FOXP1: variants seen among roughly 807,000 people sequenced by gnomAD.
The protein encoded by FOXP1 is forkhead box P1, also known as forkhead box protein P1.
FOXP1 carries 15 observed loss-of-function variants against 98.2 expected under a neutral mutation model. The observed-to-expected ratio is 0.15, with a 90% confidence interval of 0.10 to 0.24. FOXP1 has a LOEUF of 0.24. Ranked by LOEUF, FOXP1 falls within the 10% of genes least tolerant of loss-of-function variation. FOXP1 has a pLI of 1.00. For synonymous variants in FOXP1, 371 were observed against 314.5 expected (o/e 1.18, Z -1.90); for missense variants, 633 against 848.5 (o/e 0.75, Z 3.15).
intron 6 of FOXP1, among the ~76,000 whole-genome samples, chr3:71,116,344 G>T (rs530476316): frequency 1.3e-5 from 2 of 152,020 alleles, no homozygotes; most frequent in African/African-American, 4.8e-5. Context: ...ATACAAGCAC[G>T]GGGGGAAAAG....
chr3:71,478,335 A>G (rs564410143), intron 3 of FOXP1, among the ~76,000 whole-genome samples: 55 of 152,366 alleles, frequency 3.6e-4, no homozygotes, highest in African/African-American at 1.3e-3. Flanking sequence ...TCCCAGGATC[A>G]TGCCTGCATC....
At chr3:71,130,857 T>C in intron 6 of FOXP1, 4 of 1,427,814 alleles carry the variant, frequency 2.8e-6, no homozygotes, top group Non-Finnish European at 3.6e-6. Context: ...TAAAGAAATC[T>C]ATTAATGCCA....
intron 11 of FOXP1, among the ~76,000 whole-genome samples, chr3:71,019,861 C>T (rs534413718): frequency 6.6e-6 from 1 of 151,668 alleles, no homozygotes; most frequent in South Asian, 2.1e-4. Flanking sequence ...CAAAACAAAA[C>T]AAAACAAAAC....
chr3:71,295,914 A>T (rs1252324381), intron 5 of FOXP1, among the ~76,000 whole-genome samples: 1 of 152,226 alleles, frequency 6.6e-6, no homozygotes, highest in East Asian at 1.9e-4. Flanking sequence ...TAAACTATTT[A>T]TCATCAACGG....
chr3:70,976,588 A>C (rs559454350), intron 17 of FOXP1, among the ~76,000 whole-genome samples: 17 of 152,282 alleles, frequency 1.1e-4, no homozygotes, highest in African/African-American at 3.9e-4. Flanking sequence ...ATCTCTGCAA[A>C]TATCGGCTGT....
At chr3:71,153,545 G>GAA (rs11343142) in intron 6 of FOXP1, among the ~76,000 whole-genome samples, 2 of 106,694 alleles carry the variant, frequency 1.9e-5, no homozygotes, top group African/African-American at 3.7e-5. Flanking sequence ...CCATGCTTGA[G>GAA]AAAAAAAAAA....
chr3:71,201,358 G>A (rs932196949), intron 5 of FOXP1, among the ~76,000 whole-genome samples: 14 of 152,196 alleles, frequency 9.2e-5, no homozygotes, highest in African/African-American at 3.4e-4. Context: ...AGAACTAAAG[G>A]AAAAGAGCCG....
At chr3:71,355,780 G>A (rs1387864762) in intron 4 of FOXP1, among the ~76,000 whole-genome samples, 1 of 152,150 alleles carries the variant, frequency 6.6e-6, no homozygotes, top group African/African-American at 2.4e-5. Context: ...TGGTGTCAAT[G>A]TTAATGAATT....
At chr3:71,470,468 G>A (rs991944865) in intron 3 of FOXP1, among the ~76,000 whole-genome samples, 8 of 152,196 alleles carry the variant, frequency 5.3e-5, no homozygotes, top group Non-Finnish European at 1.0e-4. Context: ...AGGCCGGTGC[G>A]GTGGCTCACG....
intron 8 of FOXP1, among the ~76,000 whole-genome samples, 175 bp downstream of exon 8, chr3:71,053,461 G>T (rs745942747): frequency 2.0e-5 from 3 of 152,024 alleles, no homozygotes; most frequent in Non-Finnish European, 4.4e-5. Context: ...CTCTCTTTTG[G>T]GCATGCAAAA....
intron 3 of FOXP1, among the ~76,000 whole-genome samples, chr3:71,442,715 T>C (rs888430891): frequency 1.3e-5 from 2 of 152,072 alleles, no homozygotes; most frequent in African/African-American, 4.8e-5. Flanking sequence ...TCTGGATTTG[T>C]CAAAAGCCCA....
intron 3 of FOXP1, among the ~76,000 whole-genome samples, chr3:71,433,004 C>A (rs999772238): frequency 2.6e-5 from 4 of 151,776 alleles, no homozygotes; most frequent in Non-Finnish European, 5.9e-5. Context: ...TCATTTTGTA[C>A]CTGCTTGGTC....
chr3:71,409,842 T>C (rs756251234), intron 3 of FOXP1, among the ~76,000 whole-genome samples: 30 of 152,082 alleles, frequency 2.0e-4, no homozygotes, highest in Non-Finnish European at 3.5e-4. Context: ...GGCAAAACCT[T>C]GTCTCTGCTA....
chr3:71,150,872 G>T (rs895736762), intron 6 of FOXP1, among the ~76,000 whole-genome samples: 3 of 151,758 alleles, frequency 2.0e-5, no homozygotes, highest in African/African-American at 4.8e-5. Context: ...TCCTCTTTTC[G>T]TATTCCCCAG....
At chr3:70,977,146 C>T in intron 16 of FOXP1, 104 bp from the exon 17 acceptor site, 2 of 808,876 alleles carry the variant, frequency 2.5e-6, no homozygotes, top group South Asian at 1.4e-5. Flanking sequence ...AGAGCTAAAT[C>T]CTGAGAAAGG....
chr3:71,289,075 C>T (rs1190984935), intron 5 of FOXP1, among the ~76,000 whole-genome samples: 4 of 151,930 alleles, frequency 2.6e-5, no homozygotes, highest in African/African-American at 9.7e-5. Context: ...CTCTCTGTAG[C>T]CCACGCTGGA....
Position 71,357,642 on chromosome 3 carries a change from C to T in FOXP1, c.-73+1508G>A, listed in dbSNP as rs183287404. ...GGGTGGCTAATAGGATGTAAGCAGG[C>T]ATCATTGGATAAGGCTACAGGGAAA... On this transcript the variant is annotated intron_variant, in intron 4 of 20. Coordinates refer to ENST00000649528, the MANE Select transcript of FOXP1 (RefSeq NM_001349338.3). 1.2e-4 allele frequency among the ~76,000 whole-genome samples: 18 copies of T among 152,240 alleles called. No homozygotes were observed. The East Asian group carries it at 3.3e-3, about 28-fold the overall frequency.
In FOXP1 at chr3:71,237,231, G is replaced by GAAAAAAAAAAAAA. The variant is rs757405755; in HGVS notation, c.-11-38852_-11-38840dup. ...TGGGCGACAGAGCAAGACTCCATCT[G>GAAAAAAAAAAAAA]AAAAAAAAAAAAAAAAAAAAAAAAA... On this transcript the variant is annotated intron_variant, in intron 5 of 20. Transcript: ENST00000649528. Among the ~76,000 whole-genome samples the GAAAAAAAAAAAAA allele has an allele frequency of 4.6e-4, 13 of 28,286 alleles. 2 individuals are homozygous for GAAAAAAAAAAAAA. Among genetic ancestry groups the GAAAAAAAAAAAAA allele is most frequent in the Admixed American group, 1.4e-3 (2 of 1,442 alleles). 18.6% of individuals were successfully genotyped at this position (28,286 alleles called of 152,430 possible).
rs559734122 is a variant in FOXP1 at position 71,213,571 on chromosome 3, C to T, written c.-11-15179G>A. Among the ~76,000 whole-genome samples the T allele has an allele frequency of 2.9e-4, 44 of 152,260 alleles. No individual in the cohort carries two copies. In the South Asian group the frequency reaches 8.9e-3, roughly 31 times the overall value. On this transcript the variant is annotated intron_variant, in intron 5 of 20. Transcript: ENST00000649528. ...GTGGCTCACGCCTGTAATCCCAGCA[C>T]TTTTGAGAGGCCGAGGCAGGCGGAT...
Sources: allele counts gnomAD v4.1 joint callset (sites outside exome capture counted in the v4.1 genomes callset), GRCh38; gene constraint gnomAD v4.1.1; transcripts MANE v1.5; gene names NCBI Gene and HGNC (gene_info 2026-07-23, HGNC 2026-07-21).